CEP72: variants seen among roughly 807,000 people sequenced by gnomAD.
CEP72 encodes centrosomal protein 72.
In CEP72, 78 loss-of-function variants were observed where a neutral mutation model predicts 65.7. The observed-to-expected ratio is 1.19, with a 90% CI of 0.99 to 1.43. The LOEUF (loss-of-function observed/expected upper bound fraction) is 1.43. CEP72 is among the 40% of genes most tolerant of loss of function. CEP72 has a pLI of 0.00. For missense variants in CEP72, 914 were observed against 832.9 expected (o/e 1.10, Z -1.20); for synonymous variants, 358 against 351.7 (o/e 1.02, Z -0.20).
At chr5:613,573 G>T (rs1056453460) in intron 1 of CEP72, among the ~76,000 whole-genome samples, 4 of 152,288 alleles carry the variant, frequency 2.6e-5, no homozygotes, top group African/African-American at 9.6e-5. Context: ...CACCATGTTG[G>T]CCAGGCTGGT....
Position 637,661 on chromosome 5 carries a change from G to T in CEP72, c.1049G>T (p.Gly350Val), listed in dbSNP as rs750368955. The T allele has an allele frequency of 3.1e-6, 5 of 1,614,022 alleles. No individual in the cohort carries two copies. The highest frequency in any genetic ancestry group is 2.2e-5 in the East Asian group (1 of 44,888). ...GRFQTFSDQE[G>V]LGCPERTHGS... is the part of the protein sequence containing the mutation. ...TTCCAGACGTTTTCGGACCAGGAGG[G>T]TTTGGGCTGCCCGGAGAGAACTCAT... The change falls in exon 7 of 12, where the codon GGT becomes GTT. Residue 350 changes from glycine to valine, a missense_variant. Coordinates refer to ENST00000264935, the MANE Select transcript of CEP72 (RefSeq NM_018140.4).
intron 4 of CEP72, among the ~76,000 whole-genome samples, chr5:626,803 A>G (rs546929566): frequency 6.6e-6 from 1 of 152,316 alleles, no homozygotes; most frequent in East Asian, 1.9e-4. Flanking sequence ...CCTGGGTGAC[A>G]GAGTGAGACC....
chr5:665,002 C>T (rs1739834064), intron 2 of CEP72: 1 of 1,424,692 alleles, frequency 7.0e-7, no homozygotes, highest in African/African-American at 1.4e-5. Context: ...GGGCACCCGT[C>T]TGAGTTCTGC....
chr5:647,256 TTG>T (rs1738486871), intron 10 of CEP72, among the ~76,000 whole-genome samples: 1 of 152,332 alleles, frequency 6.6e-6, no homozygotes, highest in East Asian at 1.9e-4. Context: ...TATCCCGTGT[TTG>T]GATTTGGGGA....
At chr5:618,026 C>T (rs1736107790) in intron 1 of CEP72, among the ~76,000 whole-genome samples, 1 of 152,134 alleles carries the variant, frequency 6.6e-6, no homozygotes, top group Admixed American at 6.5e-5. Flanking sequence ...GCTTGCACAG[C>T]CCGACCACAG....
chr5:653,258 TTC>T lies in CEP72; in HGVS notation c.*107_*108del. 2 of 1,144,568 alleles carry T rather than the reference TTC, an allele frequency of 1.7e-6. No homozygotes were observed. The highest frequency in any genetic ancestry group is 2.4e-6 in the Non-Finnish European group (2 of 850,362). 70.9% of individuals were successfully genotyped at this position (1,144,568 alleles called of 1,614,324 possible). On this transcript the variant is annotated 3_prime_UTR_variant, in exon 12 of 12. Coordinates refer to ENST00000264935, the MANE Select transcript of CEP72 (RefSeq NM_018140.4). ...TGTACTGGCTGGCAAGAGTTCTCTC[TTC>T]TGTTGGTAATTATTTAGGATTTTTG... is the stretch of plus-strand genomic sequence containing the variant.
chr5:639,774 C>T (rs1737876320), intron 8 of CEP72, among the ~76,000 whole-genome samples: 1 of 152,220 alleles, frequency 6.6e-6, no homozygotes, highest in South Asian at 2.1e-4. Context: ...CCCAGGGGCA[C>T]CTTCTCTTTG....
chr5:619,969 A>T, intron 2 of CEP72, 100 bp from the exon 3 acceptor site: 1 of 881,158 alleles, frequency 1.1e-6, no homozygotes, highest in East Asian at 2.6e-5. Flanking sequence ...TATTGCAAAT[A>T]AGTTTATACA....
At chr5:665,827 CCT>C in intron 3 of CEP72, 1 of 988,642 alleles carries the variant, frequency 1.0e-6, no homozygotes, top group Non-Finnish European at 1.4e-6. Context: ...GCCACGCCCT[CCT>C]GACCACGCCT....
the CEP72 span, chr5:675,978 C>T: frequency 6.6e-6 from 1 of 152,114 alleles, no homozygotes; most frequent in Non-Finnish European, 1.5e-5. Flanking sequence ...GAGACCAGCT[C>T]GCACCCGGGG....
the CEP72 span, among the ~76,000 whole-genome samples, chr5:674,433 GA>G: frequency 6.6e-6 from 1 of 150,838 alleles, no homozygotes; most frequent in African/African-American, 2.5e-5. Context: ...GCCACACTGC[GA>G]ACCCCACCTG....
At chr5:620,979 T>C (rs1305850040) in intron 3 of CEP72, among the ~76,000 whole-genome samples, 1 of 152,174 alleles carries the variant, frequency 6.6e-6, no homozygotes, top group African/African-American at 2.4e-5. Context: ...GAGAGAAAGC[T>C]GGGGCCTCAG....
chr5:667,626 A>C (rs1023353077), downstream of CEP72, among the ~76,000 whole-genome samples: 1 of 152,206 alleles, frequency 6.6e-6, no homozygotes, highest in Non-Finnish European at 1.5e-5. Context: ...TGAGAAGACA[A>C]GCCACAGACT....
downstream of CEP72, among the ~76,000 whole-genome samples, chr5:669,489 G>A (rs1740112288): frequency 1.3e-5 from 2 of 152,052 alleles, no homozygotes; most frequent in Admixed American, 6.5e-5. Flanking sequence ...GGGCCCTTGG[G>A]GCCTCTGTCT....
At chr5:626,213 A>G (rs982327379) in intron 4 of CEP72, among the ~76,000 whole-genome samples, 3 of 151,892 alleles carry the variant, frequency 2.0e-5, no homozygotes, top group African/African-American at 7.3e-5. Flanking sequence ...AGATCGGTAT[A>G]CCTTTTATTT....
intron 1 of CEP72, among the ~76,000 whole-genome samples, chr5:614,524 T>C (rs904198638): frequency 2.7e-5 from 4 of 150,412 alleles, no homozygotes; most frequent in Admixed American, 1.3e-4. Flanking sequence ...TCTTGGCTCA[T>C]TGAAAGCTCT....
intron 8 of CEP72, 63 bp downstream of exon 8, chr5:639,287 C>T (rs1737842083): frequency 4.7e-6 from 7 of 1,504,330 alleles, no homozygotes; most frequent in Non-Finnish European, 3.6e-6. Context: ...CCGGGGTCCT[C>T]TGCGTGTGGT....
At chr5:666,366 G>A (rs1437606679) in intron 4 of CEP72, among the ~76,000 whole-genome samples, 2 of 152,248 alleles carry the variant, frequency 1.3e-5, no homozygotes, top group South Asian at 2.1e-4. Flanking sequence ...GGGTGTGTGC[G>A]GGTCTGCACT....
chr5:618,729 AG>A (rs1278204093), intron 1 of CEP72, among the ~76,000 whole-genome samples: 1 of 152,196 alleles, frequency 6.6e-6, no homozygotes, highest in Non-Finnish European at 1.5e-5. Flanking sequence ...AAGAGAGGCC[AG>A]GGTGAGCAGA....
Sources: gnomAD v4.1 joint callset for allele counts (sites outside exome capture counted in the v4.1 genomes callset) on GRCh38, gnomAD v4.1.1 for gene constraint, MANE v1.5 for transcripts, NCBI Gene and HGNC (gene_info 2026-07-23, HGNC 2026-07-21) for gene names.